The following VPS4B variants were observed in gnomAD, a reference collection of about 807,000 sequenced individuals.
VPS4B encodes the protein vacuolar protein sorting 4 homolog B.
A neutral mutation model predicts 56.1 loss-of-function variants in VPS4B; 23 were observed. That is an observed-to-expected ratio of 0.41 (90% confidence interval 0.30 to 0.58). VPS4B has a LOEUF of 0.58. Ranked by LOEUF, VPS4B falls within the 20% of genes least tolerant of loss-of-function variation. The pLI is 0.29. For synonymous variants in VPS4B, 177 were observed against 186.0 expected, an observed-to-expected ratio of 0.95 and a Z score of 0.39; for missense variants, 372 against 531.9, an observed-to-expected ratio of 0.70 and a Z score of 2.96.
intron 10 of VPS4B, among the ~76,000 whole-genome samples, chr18:63,392,300 T>A (rs1304655015): frequency 6.6e-6 from 1 of 152,260 alleles, no homozygotes; most frequent in Non-Finnish European, 1.5e-5. Context: ...TAGATTATTT[T>A]AATTCTTCCA....
intron 9 of VPS4B, among the ~76,000 whole-genome samples, chr18:63,393,984 G>T (rs1304786644): frequency 6.6e-6 from 1 of 152,024 alleles, no homozygotes; most frequent in African/African-American, 2.4e-5. Context: ...TGATCCGCCA[G>T]CCTCGGCCTC....
chr18:63,415,602 T>C lies in VPS4B; in HGVS notation c.28-4024A>G, dbSNP rs374206119. On this transcript the variant is annotated intron_variant, in intron 1 of 10. Coordinates refer to ENST00000238497, the MANE Select transcript of VPS4B (RefSeq NM_004869.4). ...TGTTGATGTGCCCTGAGTGAAGCAG[T>C]GGTCCATGATAACCTTGATCTTCTT... The C allele has an allele frequency of 4.5e-5, 11 of 246,538 alleles. 1 individual carries two copies. The highest frequency in any genetic ancestry group is 2.3e-4 in the South Asian group (4 of 17,102). The allele number at this position is 246,538 out of a possible 1,614,324, so 15.3% of individuals were successfully genotyped here. A position where few individuals can be genotyped will look rare whatever the true frequency, so the allele number is the denominator to read the frequency against.
intron 1 of VPS4B, among the ~76,000 whole-genome samples, chr18:63,413,945 T>C (rs1916105283): frequency 6.6e-6 from 1 of 152,216 alleles, no homozygotes; most frequent in South Asian, 2.1e-4. Flanking sequence ...TCAAGTAGCC[T>C]AAATTCAAAG....
chr18:63,420,526 T>G (rs1165694879), intron 1 of VPS4B, among the ~76,000 whole-genome samples: 1 of 152,026 alleles, frequency 6.6e-6, no homozygotes, highest in East Asian at 1.9e-4. Context: ...CTCTGACAAA[T>G]GAAAAGCTGG....
At chr18:63,397,653 A>G (rs138094804) in intron 8 of VPS4B, among the ~76,000 whole-genome samples, 296 of 152,306 alleles carry the variant, frequency 1.9e-3, no homozygotes, top group African/African-American at 6.5e-3. Flanking sequence ...TTACCTCACA[A>G]TCTTATAGGA....
rs370342714 is a variant in VPS4B, at chr18:63,400,838, T to G, written c.485-135A>C. 55 of 887,738 alleles carry G rather than the reference T, an allele frequency of 6.2e-5. No homozygotes were observed. In the African/African-American group the frequency reaches 7.8e-4, roughly 13 times the overall value. The allele number at this position is 887,738 out of a possible 1,614,324, so 55.0% of individuals were successfully genotyped here. ...ACAATATTTTAAAAATAAATCAATC[T>G]AAGGTATGTCTTAAATATATTTTGT... On this transcript the variant is annotated intron_variant, in intron 5 of 10. Transcript: ENST00000238497.
intron 1 of VPS4B, among the ~76,000 whole-genome samples, chr18:63,417,661 G>GT (rs1004097856): frequency 9.3e-5 from 14 of 151,336 alleles, no homozygotes; most frequent in African/African-American, 1.2e-4. Flanking sequence ...GCATGCATAT[G>GT]TTTTTTTTGT....
Position 63,422,463 on chromosome 18 carries a change from T to C in VPS4B, c.-204A>G. Reference sequence around the variant, plus strand: ...GACCCTCCCCACCAAACTTCCGCAATCCCGAGGCCCTCTAGGTTCTGGTCC... The same window carrying C: ...GACCCTCCCCACCAAACTTCCGCAACCCCGAGGCCCTCTAGGTTCTGGTCC... On this transcript the variant is annotated 5_prime_UTR_variant, in exon 1 of 11. Coordinates refer to ENST00000238497, the MANE Select transcript of VPS4B (RefSeq NM_004869.4). 1 of 405,192 alleles carries C rather than the reference T, an allele frequency of 2.5e-6. No homozygotes were observed. The highest frequency in any genetic ancestry group is 7.5e-5 in the South Asian group (1 of 13,406). 25.1% of individuals were successfully genotyped at this position (405,192 alleles called of 1,614,324 possible). A position where few individuals can be genotyped will look rare whatever the true frequency, so the allele number is the denominator to read the frequency against.
intron 1 of VPS4B, 141 bp downstream of exon 1, chr18:63,422,092 C>A (rs1916316434): frequency 1.1e-6 from 1 of 917,478 alleles, no homozygotes; most frequent in East Asian, 3.4e-5. Context: ...CCTCTCCCAC[C>A]TGCTGCAGGT....
intron 1 of VPS4B, among the ~76,000 whole-genome samples, chr18:63,416,770 G>A (rs552351671): frequency 8.5e-5 from 13 of 152,192 alleles, no homozygotes; most frequent in African/African-American, 3.1e-4. Flanking sequence ...AGCCCAAGCA[G>A]TTGAACCCTT....
intron 10 of VPS4B, among the ~76,000 whole-genome samples, chr18:63,392,326 A>G (rs1364788884): frequency 6.6e-6 from 1 of 152,374 alleles, no homozygotes; most frequent in East Asian, 1.9e-4. Flanking sequence ...AACTATATTA[A>G]CTGTAATTTT....
chr18:63,414,745 CTCTT>C (rs1318867468), intron 1 of VPS4B, among the ~76,000 whole-genome samples: 3 of 152,178 alleles, frequency 2.0e-5, no homozygotes, highest in South Asian at 2.1e-4. Context: ...TAGAAATAAG[CTCTT>C]TCTTATCCTA....
At chr18:63,421,874 G>A (rs1260713896) in intron 1 of VPS4B, among the ~76,000 whole-genome samples, 1 of 152,164 alleles carries the variant, frequency 6.6e-6, no homozygotes, top group Non-Finnish European at 1.5e-5. Context: ...ACCGAACTAT[G>A]ACCACCCTAT....
intron 10 of VPS4B, 135 bp downstream of exon 10, chr18:63,393,274 A>T: frequency 1.2e-6 from 1 of 833,604 alleles, no homozygotes; most frequent in South Asian, 4.5e-5. Context: ...TTAACTTCAT[A>T]ATTTTTAATG....
At chr18:63,401,857 G>A (rs1030018873) in intron 5 of VPS4B, among the ~76,000 whole-genome samples, 1 of 152,144 alleles carries the variant, frequency 6.6e-6, no homozygotes, top group Non-Finnish European at 1.5e-5. Context: ...GCTGGGTGTG[G>A]TGGCAGATGC....
rs551932011 is a variant in VPS4B at position 63,389,845 on chromosome 18, T to A, written c.*1130A>T. ...AATTCAAAGGGAGACCATTTCCTTA[T>A]TAGCAAAGGTGCGCATTACAGTATT... On this transcript the variant is annotated 3_prime_UTR_variant, in exon 11 of 11. Transcript: ENST00000238497. 1 of 152,746 alleles carries A rather than the reference T, an allele frequency of 6.5e-6. No individual in the cohort carries two copies. The highest frequency in any genetic ancestry group is 1.9e-4 in the East Asian group (1 of 5,186). The allele number at this position is 152,746 out of a possible 1,614,324, so 9.5% of individuals were successfully genotyped here.
intron 1 of VPS4B, 138 bp downstream of exon 1, chr18:63,422,095 C>T: frequency 2.1e-6 from 2 of 942,380 alleles, no homozygotes; most frequent in Non-Finnish European, 2.9e-6. Context: ...CTCCCACCTG[C>T]TGCAGGTCCC....
Position 63,403,704 on chromosome 18 carries a change from C to A in VPS4B, c.484+3G>T. 1 of 1,599,640 alleles carries A rather than the reference C, an allele frequency of 6.3e-7. No individual in the cohort carries two copies. The stretch of plus-strand genomic sequence containing the variant: ...AAATAAAATTATTTAAAAGTTATGT[C>A]ACCTGTAAAAAGATGAGGAAATTTA... On this transcript the variant is annotated splice_donor_region_variant and intron_variant, in intron 5 of 10. Coordinates refer to ENST00000238497, the MANE Select transcript of VPS4B (RefSeq NM_004869.4).
At chr18:63,394,708 G>A (rs780464401) in intron 9 of VPS4B, among the ~76,000 whole-genome samples, 4 of 152,108 alleles carry the variant, frequency 2.6e-5, no homozygotes, top group African/African-American at 4.8e-5. Flanking sequence ...CTTGTGATCC[G>A]CCCACCTTGG....
Sources: allele counts gnomAD v4.1 joint callset (sites outside exome capture counted in the v4.1 genomes callset), GRCh38; gene constraint gnomAD v4.1.1; transcripts MANE v1.5; gene names NCBI Gene and HGNC (gene_info 2026-07-23, HGNC 2026-07-21).